STK31: variants seen among roughly 807,000 people sequenced by gnomAD.
STK31 encodes serine/threonine-protein kinase 31.
STK31 carries 89 observed loss-of-function variants against 129.7 expected under a neutral mutation model. The ratio of observed to expected loss-of-function variants is 0.69; its 90% confidence interval spans 0.58 to 0.82. The LOEUF (loss-of-function observed/expected upper bound fraction) is 0.82. Among genes scored for constraint, STK31 ranks in the 40% least tolerant of loss-of-function variants. The probability of loss-of-function intolerance (pLI) is 0.00; values close to 1 mark genes in which losing one functional copy is unlikely to be tolerated. For synonymous variants in STK31, 448 were observed against 395.3 expected (o/e 1.13, Z -1.58); for missense variants, 1,187 against 1,176.4 (o/e 1.01, Z -0.13).
chr7:23,735,828 C>G lies in STK31; in HGVS notation c.774C>G (p.His258Gln), dbSNP rs1351081507. Residue 258 changes from histidine to glutamine, a missense_variant, in exon 7 of 24, where the codon CAC (histidine) becomes CAG (glutamine). By Grantham distance (24) the His-to-Gln change is conservative. This residue lies in a region of STK31 where 975 missense variants were observed against 934.9 expected (regional missense o/e 1.04). Coordinates refer to ENST00000355870, the MANE Select transcript of STK31 (RefSeq NM_031414.5). ...NQSTFSRPKGHLSEKMTLDLK... is the reference protein window; with the variant it reads ...NQSTFSRPKGQLSEKMTLDLK... The stretch of plus-strand genomic sequence containing the variant: ...CAACCTTCAGCAGGCCCAAGGGGCA[C>G]TTAAGTGAGAAAATGACTCTTGACT... 1 of 1,610,556 alleles carries G rather than the reference C, an allele frequency of 6.2e-7. No homozygotes were observed. Among genetic ancestry groups the G allele is most frequent in the Non-Finnish European group, 8.5e-7 (1 of 1,178,306 alleles).
chr7:23,723,271 C>T (rs983262379), intron 4 of STK31, among the ~76,000 whole-genome samples: 1 of 152,152 alleles, frequency 6.6e-6, no homozygotes, highest in Non-Finnish European at 1.5e-5. Context: ...TGCCAATTCT[C>T]CTTTCTATAT....
intron 10 of STK31, among the ~76,000 whole-genome samples, chr7:23,760,551 A>G (rs1188594831): frequency 3.3e-5 from 5 of 152,234 alleles, no homozygotes; most frequent in Non-Finnish European, 7.3e-5. Context: ...ATTTTCTTAC[A>G]TTAACTTTTA....
chr7:23,825,468 A>G (rs1794084420), intron 23 of STK31, among the ~76,000 whole-genome samples: 1 of 151,866 alleles, frequency 6.6e-6, no homozygotes, highest in Admixed American at 6.6e-5. Flanking sequence ...TTTTTATTGC[A>G]TCTATTTGAT....
chr7:23,773,368 G>A (rs907865648), intron 15 of STK31, among the ~76,000 whole-genome samples: 6 of 152,090 alleles, frequency 3.9e-5, no homozygotes, highest in South Asian at 4.1e-4. Flanking sequence ...CAAAGAACAC[G>A]AACTCGTCCT....
intron 15 of STK31, among the ~76,000 whole-genome samples, chr7:23,773,384 A>T (rs1790327231): frequency 2.6e-5 from 4 of 152,084 alleles, no homozygotes; most frequent in African/African-American, 9.7e-5. Flanking sequence ...GTCCTTTTTT[A>T]TAGCTGCATA....
rs557112758 is a variant in STK31 at position 23,791,438 on chromosome 7, CAAAG to C, written c.2760+495_2760+498del. The C allele has an allele frequency of 1.7e-3, 549 of 325,650 alleles. 1 individual carries two copies. Among genetic ancestry groups the C allele is most frequent in the Non-Finnish European group, 2.2e-3 (490 of 227,586 alleles). The allele number at this position is 325,650 out of a possible 1,614,324, so 20.2% of individuals were successfully genotyped here. A position where few individuals can be genotyped will look rare whatever the true frequency, so the allele number is the denominator to read the frequency against. On this transcript the variant is annotated intron_variant, in intron 22 of 23. Coordinates refer to ENST00000355870, the MANE Select transcript of STK31 (RefSeq NM_031414.5). ...GCTAAACACTGAGTACATATGGACA[CAAAG>C]AAGGGACACTGGGGTCTACTTGAGG...
At chr7:23,747,981 A>G (rs1225655164) in intron 8 of STK31, among the ~76,000 whole-genome samples, 4 of 151,940 alleles carry the variant, frequency 2.6e-5, no homozygotes, top group Non-Finnish European at 5.9e-5. Flanking sequence ...ATACTTTCCT[A>G]TTTTTGCATA....
intron 10 of STK31, among the ~76,000 whole-genome samples, chr7:23,758,277 T>A (rs910945992): frequency 6.6e-6 from 1 of 152,238 alleles, no homozygotes; most frequent in Non-Finnish European, 1.5e-5. Context: ...TATAGTATTC[T>A]GTGATGGTAG....
rs776358668 is a variant in STK31 at position 23,710,318 on chromosome 7, C to T, written c.33C>T (p.Ser11=). ...TCCAGGGTCACTCTTCTAGAGCTTC[C>T]GCAACGGAAAGTGTGAGGTCAGTAG... The part of the protein sequence containing the change: MWVQGHSSRA[S]ATESVSFSGI... Residue 11 remains serine, a synonymous_variant, in exon 1 of 24, where the codon TCC becomes TCT. Coordinates refer to ENST00000355870, the MANE Select transcript of STK31 (RefSeq NM_031414.5). The T allele has an allele frequency of 6.8e-6, 11 of 1,613,454 alleles. No individual in the cohort carries two copies. Among genetic ancestry groups the T allele is most frequent in the East Asian group, 4.5e-5 (2 of 44,878 alleles).
At chr7:23,752,935 C>G (rs117909976) in intron 9 of STK31, 103 bp downstream of exon 9, 1 of 740,604 alleles carries the variant, frequency 1.4e-6, no homozygotes. Context: ...TAAAATTTAA[C>G]CTTTGTATTT....
chr7:23,763,605 T>C (rs1379732053), intron 11 of STK31, among the ~76,000 whole-genome samples: 3 of 152,184 alleles, frequency 2.0e-5, no homozygotes, highest in East Asian at 1.9e-4. Context: ...TTTATGAATA[T>C]TATCTTGTCA....
chr7:23,723,106 G>A (rs556620092), intron 4 of STK31, among the ~76,000 whole-genome samples: 8 of 152,274 alleles, frequency 5.3e-5, no homozygotes, highest in African/African-American at 1.9e-4. Flanking sequence ...GATGAACCCG[G>A]TACCTCAGTT....
rs538227075 is a variant in STK31, at chr7:23,731,024, C to T, written c.483+1775C>T. ...CTCAGTCTCCTGATAGCTGGAATTA[C>T]AGGCACCCGCCACCACGCATGGCTA... On this transcript the variant is annotated intron_variant, in intron 6 of 23. Transcript: ENST00000355870. Among the ~76,000 whole-genome samples, 112 of 150,710 alleles carry T rather than the reference C, an allele frequency of 7.4e-4. No homozygotes were observed. The Middle Eastern group carries it at 0.01, about 14-fold the overall frequency.
At chr7:23,813,635 C>T (rs1333712226) in intron 22 of STK31, among the ~76,000 whole-genome samples, 4 of 152,050 alleles carry the variant, frequency 2.6e-5, no homozygotes, top group Non-Finnish European at 2.9e-5. Flanking sequence ...TGAGTTGTTG[C>T]GTGCTGCTGG....
intron 6 of STK31, among the ~76,000 whole-genome samples, chr7:23,732,072 G>C (rs905539684): frequency 3.0e-4 from 45 of 152,120 alleles, no homozygotes; most frequent in African/African-American, 1.1e-3. Flanking sequence ...ACTTTCGGAG[G>C]CTGAAGTGGG....
chr7:23,745,392 G>A (rs1286388300), intron 8 of STK31, among the ~76,000 whole-genome samples: 1 of 152,232 alleles, frequency 6.6e-6, no homozygotes, highest in Non-Finnish European at 1.5e-5. Flanking sequence ...GGGGGTGGCA[G>A]TGGTTGCTTT....
chr7:23,734,576 G>C (rs924297546), intron 6 of STK31, among the ~76,000 whole-genome samples: 4 of 152,170 alleles, frequency 2.6e-5, no homozygotes, highest in African/African-American at 7.2e-5. Flanking sequence ...TCTATTGATA[G>C]ATATTCAGTA....
rs201388000 is a variant in STK31, at chr7:23,832,137, A to T, written c.2831A>T (p.Asp944Val). The change falls in exon 24 of 24, where the codon GAT (aspartate) becomes GTT (valine). Residue 944 changes from aspartate (D) to valine (V), a missense_variant and splice_region_variant. Physicochemically the swap from Asp to Val is radical, Grantham distance 152. Around this residue, in one of 5 missense-constraint regions of STK31, gnomAD observed 975 missense variants for 934.9 expected, o/e 1.04. Coordinates refer to ENST00000355870, the MANE Select transcript of STK31 (RefSeq NM_031414.5). ...GIPKVDQFHL[D>V]DKVKSLLCSL... ...TGTAACACCTGTTTTTCCTTGCAGG[A>T]TGATAAAGTCAAATCCCTCCTCTGT... The T allele has an allele frequency of 1.2e-6, 2 of 1,609,568 alleles. No homozygotes were observed. Among genetic ancestry groups the T allele is most frequent in the Middle Eastern group, 1.7e-4 (1 of 6,042 alleles).
chr7:23,710,916 T>C (rs1381202340), intron 1 of STK31: 1 of 578,780 alleles, frequency 1.7e-6, no homozygotes, highest in East Asian at 1.4e-4. Flanking sequence ...TAAAAGTTAT[T>C]ACAGCTTTTC....
Sources: allele counts gnomAD v4.1 joint callset (sites outside exome capture counted in the v4.1 genomes callset), GRCh38; gene constraint gnomAD v4.1.1; regional missense constraint gnomAD v4.1.1; transcripts MANE v1.5; gene names NCBI Gene and HGNC (gene_info 2026-07-23, HGNC 2026-07-21).